Variants in FAT4 observed in about 807,000 individuals in gnomAD.
FAT4 encodes FAT atypical cadherin 4, also known as protocadherin Fat 4.
A neutral mutation model predicts 303.9 loss-of-function variants in FAT4; 84 were observed. The observed-to-expected ratio is 0.28, with a 90% confidence interval of 0.23 to 0.33. The LOEUF (loss-of-function observed/expected upper bound fraction) is 0.33, where lower values mean the gene tolerates loss of function less well. Among genes scored for constraint, FAT4 ranks in the 10% least tolerant of loss-of-function variants. The pLI is 1.00. For missense variants in FAT4, 6,005 were observed against 6,146.8 expected (o/e 0.98, Z 0.77); for synonymous variants, 2,307 against 2,298.8 (o/e 1.00, Z -0.10).
rs779025615 is a variant in FAT4 at position 125,452,205 on chromosome 4, A to G, written c.11195A>G (p.Tyr3732Cys). 5.6e-6 allele frequency: 9 copies of G among 1,614,080 alleles called. No homozygotes were observed. The highest frequency in any genetic ancestry group is 7.6e-6 in the Non-Finnish European group (9 of 1,180,046). The change falls in exon 10 of 18, where the codon TAT (tyrosine) becomes TGT (cysteine). Residue 3732 changes from tyrosine (Y) to cysteine (C), a missense_variant. Physicochemically the swap from Tyr to Cys is radical, Grantham distance 194. Coordinates refer to ENST00000394329, the MANE Select transcript of FAT4 (RefSeq NM_001291303.3). The stretch of plus-strand genomic sequence containing the variant: ...GTAAAGGACTTCTTGACCAACCACT[A>G]TCTTCATTTTTTACGCATTGCCAGC... The part of the protein sequence containing the change: ...PTVKDFLTNH[Y>C]LHFLRIASSQ...
At chr4:125,349,865 A>G (rs1578547980) in intron 2 of FAT4, among the ~76,000 whole-genome samples, 1 of 151,818 alleles carries the variant, frequency 6.6e-6, no homozygotes, top group East Asian at 1.9e-4. Flanking sequence ...AAATCCTGAA[A>G]AAACAATTCA....
chr4:125,394,774 A>G (rs906466374), intron 2 of FAT4, among the ~76,000 whole-genome samples: 1 of 152,194 alleles, frequency 6.6e-6, no homozygotes, highest in African/African-American at 2.4e-5. Flanking sequence ...AATCATCAAG[A>G]TAAATAGTAA....
At chr4:125,322,162 T>C (rs1234960222) in intron 2 of FAT4, among the ~76,000 whole-genome samples, 10 of 152,200 alleles carry the variant, frequency 6.6e-5, no homozygotes, top group Non-Finnish European at 4.4e-5. Context: ...CCTGATTTCA[T>C]CTGCCTTAAC....
rs1192229951 is a variant in FAT4, at chr4:125,479,785, A to G, written c.12524A>G (p.His4175Arg). ...EGACTRSPCQ[H>R]GGTCMDYWSW... is the part of the protein sequence containing the mutation. ...GCTTGTACTCGCAGCCCATGCCAAC[A>G]TGGTGGCACATGTATGGATTACTGG... The change falls in exon 15 of 18, where the codon CAT (histidine) becomes CGT (arginine). Residue 4175 changes from histidine to arginine, a missense_variant. Transcript: ENST00000394329. 1.0e-5 allele frequency: 16 copies of G among 1,603,226 alleles called. No homozygotes were observed. The Admixed American group carries it at 2.5e-4, about 25-fold the overall frequency.
chr4:125,411,458 A>T (rs1055698385), intron 5 of FAT4, among the ~76,000 whole-genome samples: 2 of 151,846 alleles, frequency 1.3e-5, no homozygotes, highest in East Asian at 1.9e-4. Flanking sequence ...TACAATTGGA[A>T]TTTTTGCTGA....
intron 2 of FAT4, among the ~76,000 whole-genome samples, chr4:125,377,155 T>G (rs2125995862): frequency 6.6e-6 from 1 of 152,264 alleles, no homozygotes; most frequent in Non-Finnish European, 1.5e-5. Flanking sequence ...TTCAATATTT[T>G]TATGGCAATT....
intron 5 of FAT4, among the ~76,000 whole-genome samples, chr4:125,412,945 T>C (rs185589942): frequency 6.6e-6 from 1 of 151,858 alleles, no homozygotes; most frequent in Non-Finnish European, 1.5e-5. Context: ...AACTTTTTTG[T>C]AGGAAATGCA....
At chr4:125,324,085 G>T (rs1393180926) in intron 2 of FAT4, among the ~76,000 whole-genome samples, 1 of 152,074 alleles carries the variant, frequency 6.6e-6, no homozygotes, top group African/African-American at 2.4e-5. Flanking sequence ...CAAAGATTTG[G>T]CATTGGTAGT....
At chr4:125,404,079 A>G (rs954919691) in intron 3 of FAT4, among the ~76,000 whole-genome samples, 11 of 152,254 alleles carry the variant, frequency 7.2e-5, no homozygotes, top group African/African-American at 2.4e-4. Context: ...AGCAAACACT[A>G]TGAATATTCT....
intron 7 of FAT4, among the ~76,000 whole-genome samples, chr4:125,428,156 A>G (rs1848579): frequency 0.99 from 151,061 of 152,112 alleles, 75,012 homozygotes; most frequent in Middle Eastern, 1. Context: ...AAATTAGCCA[A>G]GTATGGTGAC....
Position 125,316,553 on chromosome 4 carries a change from G to T in FAT4, c.142G>T (p.Val48Leu). The change falls in exon 2 of 18, where the codon GTG (valine) becomes TTG (leucine). Residue 48 changes from valine (V) to leucine (L), a missense_variant. By Grantham distance (32) the Val-to-Leu change is conservative (BLOSUM62 1). Coordinates refer to ENST00000394329, the MANE Select transcript of FAT4 (RefSeq NM_001291303.3). The surrounding 1 kb of genome is among the most constrained non-coding windows in gnomAD (Gnocchi z 5.7). ...AWVHGAEPRQ[V>L]FQVLEEQPPG... ...GGTCCACGGGGCCGAGCCGCGCCAG[G>T]TGTTCCAAGTGCTGGAAGAGCAACC... 6.2e-7 allele frequency: 1 copy of T among 1,614,058 alleles called. No homozygotes were observed. The highest frequency in any genetic ancestry group is 8.5e-7 in the Non-Finnish European group (1 of 1,180,030).
At chr4:125,462,229 A>C (rs764922452) in intron 10 of FAT4, among the ~76,000 whole-genome samples, 1 of 151,958 alleles carries the variant, frequency 6.6e-6, no homozygotes, top group Non-Finnish European at 1.5e-5. Context: ...ACAAAAACAG[A>C]ACCAATTTAA....
chr4:125,317,695 C>G lies in FAT4; in HGVS notation c.1284C>G (p.Arg428=). 1.2e-6 allele frequency: 2 copies of G among 1,614,100 alleles called. No individual in the cohort carries two copies. Among genetic ancestry groups the G allele is most frequent in the Non-Finnish European group, 1.7e-6 (2 of 1,180,008 alleles). Residue 428 remains arginine (R), a synonymous_variant, in exon 2 of 18, where the codon CGC becomes CGG. Transcript: ENST00000394329. This position sits in a 1 kb window ranked among gnomAD's most constrained non-coding sequence, Gnocchi z 7.0. ...SLIKVASALD[R]ERIPSYNLTV... is the part of the protein sequence containing the mutation. The stretch of plus-strand genomic sequence containing the variant: ...TCAAGGTGGCCAGCGCCTTGGACCG[C>G]GAGCGCATCCCTTCCTACAACCTCA...
intron 2 of FAT4, among the ~76,000 whole-genome samples, chr4:125,383,619 C>T (rs765128125): frequency 2.0e-5 from 3 of 152,162 alleles, no homozygotes; most frequent in Non-Finnish European, 2.9e-5. Context: ...CTGATAGAAA[C>T]TTGCTCAATG....
In FAT4 at chr4:125,318,958, C is replaced by T; in HGVS notation, c.2547C>T (p.Thr849=). ...TCAACCAGGTCACTGGGCAGCTTAC[C>T]ACAGCAAATGTGATTGATAGAGAAG... ...FAINQVTGQL[T]TANVIDREEQ... is the part of the protein sequence containing the mutation. The change falls in exon 2 of 18, where the codon ACC becomes ACT. Residue 849 remains threonine (T), a synonymous_variant. Transcript: ENST00000394329. The T allele has an allele frequency of 6.2e-7, 1 of 1,614,102 alleles. No individual in the cohort carries two copies. Among genetic ancestry groups the T allele is most frequent in the Non-Finnish European group, 8.5e-7 (1 of 1,180,020 alleles).
rs1244701706 is a variant in FAT4 at position 125,319,291 on chromosome 4, C to T, written c.2880C>T (p.Gly960=). 1.2e-6 allele frequency: 2 copies of T among 1,614,092 alleles called. No homozygotes were observed. The highest frequency in any genetic ancestry group is 1.7e-6 in the Non-Finnish European group (2 of 1,179,990). The change falls in exon 2 of 18, where the codon GGC becomes GGT. Residue 960 remains glycine (G), a synonymous_variant. Transcript: ENST00000394329. ...TTGGGCCCCTGGATGTTCATGCTGG[C>T]TCCTACCAAATAGAGATCTTGGCAT... ...SLLGPLDVHA[G]SYQIEILASD...
chr4:125,436,347 G>A lies in FAT4; in HGVS notation c.7199+1922G>A, dbSNP rs79030783. ...GGAGGAACAGTTTTGTGAGAAGTCAGAAGTATTCTATTTGAATACAGTTTC... is the reference window on the plus strand; with the variant it reads ...GGAGGAACAGTTTTGTGAGAAGTCAAAAGTATTCTATTTGAATACAGTTTC... On this transcript the variant is annotated intron_variant, in intron 8 of 17. Coordinates refer to ENST00000394329, the MANE Select transcript of FAT4 (RefSeq NM_001291303.3). Among the ~76,000 whole-genome samples, 882 of 152,194 alleles carry A rather than the reference G, an allele frequency of 5.8e-3. 41 individuals are homozygous for A. The East Asian group carries it at 0.083, about 14-fold the overall frequency.
rs141921512 is a variant in FAT4, at chr4:125,490,792, T to G, written c.13976T>G (p.Leu4659Arg). Residue 4659 changes from leucine to arginine, a missense_variant, in exon 18 of 18, where the codon CTA becomes CGA. By Grantham distance (102) the Leu-to-Arg change is moderately radical. Transcript: ENST00000394329. The stretch of plus-strand genomic sequence containing the variant: ...TTTTCAATCCAGAGGCACAGTCCCC[T>G]AGGCTTTGCAAGGCAATCCCCCATG... ...PKFSIQRHSP[L>R]GFARQSPMPL... is the part of the protein sequence containing the mutation. The G allele has an allele frequency of 6.2e-7, 1 of 1,613,994 alleles. No individual in the cohort carries two copies. The highest frequency in any genetic ancestry group is 1.3e-5 in the African/African-American group (1 of 74,912).
chr4:125,325,778 T>C (rs1333118203), intron 2 of FAT4, among the ~76,000 whole-genome samples: 2 of 152,246 alleles, frequency 1.3e-5, no homozygotes, highest in Non-Finnish European at 2.9e-5. Flanking sequence ...TTGTTTGTTT[T>C]ACTGTGAGTA....
Sources: allele counts gnomAD v4.1 joint callset (sites outside exome capture counted in the v4.1 genomes callset), GRCh38; gene constraint gnomAD v4.1.1; non-coding constraint Gnocchi (gnomAD v3.1); transcripts MANE v1.5; gene names NCBI Gene and HGNC (gene_info 2026-07-23, HGNC 2026-07-21).